Variants in NXPE4 observed in about 807,000 individuals in gnomAD.
NXPE4 encodes neurexophilin and PC-esterase domain family member 4.
In NXPE4, 42 loss-of-function variants were observed where a neutral mutation model predicts 33.3. The ratio of observed to expected loss-of-function variants is 1.26; its 90% CI spans 0.98 to 1.63. The LOEUF is 1.63. NXPE4 is among the 40% of genes most tolerant of loss of function. The pLI is 0.00. For missense variants in NXPE4, 709 were observed against 647.6 expected, an observed-to-expected ratio of 1.09 and a Z score of -1.03; for synonymous variants, 253 against 234.9, an observed-to-expected ratio of 1.08 and a Z score of -0.71.
chr11:114,634,537 C>T, the NXPE4 span, among the ~76,000 whole-genome samples: 3 of 151,982 alleles, frequency 2.0e-5, no homozygotes, highest in Non-Finnish European at 4.4e-5. Flanking sequence ...AAGTCCTTGC[C>T]CATGCCTATG....
At chr11:114,646,178 C>G in the NXPE4 span, among the ~76,000 whole-genome samples, 2 of 151,942 alleles carry the variant, frequency 1.3e-5, no homozygotes, top group Non-Finnish European at 2.9e-5. Flanking sequence ...ATATCTTAAA[C>G]TAACTATGTC....
At chr11:114,637,357 C>T in the NXPE4 span, among the ~76,000 whole-genome samples, 4 of 151,986 alleles carry the variant, frequency 2.6e-5, no homozygotes, top group African/African-American at 9.6e-5. Flanking sequence ...CCATGTGTGT[C>T]TCTGCCTGTG....
the NXPE4 span, among the ~76,000 whole-genome samples, chr11:114,638,877 G>A: frequency 6.6e-6 from 1 of 151,520 alleles, no homozygotes; most frequent in Non-Finnish European, 1.5e-5. Flanking sequence ...TGCCCCTACT[G>A]GGGGGTGCCT....
chr11:114,634,155 C>G, the NXPE4 span, among the ~76,000 whole-genome samples: 2 of 151,632 alleles, frequency 1.3e-5, no homozygotes, highest in African/African-American at 4.8e-5. Context: ...GATTGCCATT[C>G]TAACTGGTGT....
chr11:114,580,276 G>GC lies in NXPE4; in HGVS notation c.954dup (p.His319AlafsTer13). On this transcript the variant is annotated frameshift_variant, in exon 5 of 6. Coordinates refer to ENST00000375478, the MANE Select transcript of NXPE4 (RefSeq NM_001077639.2). LOFTEE classifies it high-confidence loss of function. Reference sequence around the variant, plus strand: ...GGATTCCATGTGTTTCTCCAGACATGCCCACTGGGGATTGTGGATGTCATT... The same window carrying GC: ...GGATTCCATGTGTTTCTCCAGACATGCCCCACTGGGGATTGTGGATGTCATT... 6.2e-7 allele frequency: 1 copy of GC among 1,613,934 alleles called. No individual in the cohort carries two copies. Among genetic ancestry groups the GC allele is most frequent in the Non-Finnish European group, 8.5e-7 (1 of 1,179,868 alleles).
At chr11:114,638,750 G>A in the NXPE4 span, among the ~76,000 whole-genome samples, 4 of 152,002 alleles carry the variant, frequency 2.6e-5, no homozygotes, top group Admixed American at 2.6e-4. Flanking sequence ...GTTTGCCTGG[G>A]TAACAGCAGC....
At chr11:114,615,838 A>C in the NXPE4 span, among the ~76,000 whole-genome samples, 20 of 151,716 alleles carry the variant, frequency 1.3e-4, 1 homozygote, top group Admixed American at 1.1e-3. Flanking sequence ...TACCCTGTGG[A>C]TAATAAGAGA....
upstream of NXPE4, among the ~76,000 whole-genome samples, chr11:114,599,262 A>G (rs1949612033): frequency 6.6e-6 from 1 of 152,116 alleles, no homozygotes; most frequent in South Asian, 2.1e-4. Flanking sequence ...CTTTACTCCG[A>G]TTCCCAGTAA....
chr11:114,634,643 A>C, the NXPE4 span, among the ~76,000 whole-genome samples: 1 of 152,048 alleles, frequency 6.6e-6, no homozygotes. Context: ...TTTTTGTATA[A>C]GGTGTAAGGA....
At chr11:114,590,479 T>A (rs1949425020) in intron 2 of NXPE4, among the ~76,000 whole-genome samples, 1 of 152,152 alleles carries the variant, frequency 6.6e-6, no homozygotes, top group African/African-American at 2.4e-5. Flanking sequence ...AGATAGATCA[T>A]CCTCTATATC....
At chr11:114,625,736 G>C in the NXPE4 span, among the ~76,000 whole-genome samples, 1 of 152,156 alleles carries the variant, frequency 6.6e-6, no homozygotes, top group Non-Finnish European at 1.5e-5. Flanking sequence ...CAGAAGGCAG[G>C]TGATTTCTGC....
the NXPE4 span, among the ~76,000 whole-genome samples, chr11:114,677,919 G>A: frequency 2.0e-5 from 3 of 152,058 alleles, no homozygotes; most frequent in Non-Finnish European, 4.4e-5. Context: ...AGTGTCATGA[G>A]ACCTACATCC....
At chr11:114,667,845 C>T in the NXPE4 span, among the ~76,000 whole-genome samples, 2 of 152,088 alleles carry the variant, frequency 1.3e-5, no homozygotes, top group Non-Finnish European at 2.9e-5. Flanking sequence ...GATCTTGAGG[C>T]AGAACCACCC....
the NXPE4 span, among the ~76,000 whole-genome samples, chr11:114,662,229 GGAGA>G: frequency 0.32 from 48,887 of 151,464 alleles, 8,141 homozygotes; most frequent in East Asian, 0.41. Flanking sequence ...TGTGCACTGG[GGAGA>G]GAGAGAGAGT....
At chr11:114,640,160 ATATATATAAATAATTTATATAT>A in the NXPE4 span, among the ~76,000 whole-genome samples, 1 of 63,910 alleles carries the variant, frequency 1.6e-5, no homozygotes, top group Non-Finnish European at 2.8e-5. Context: ...TATATTAATA[ATATATATAAATAATTTATATAT>A]TATATATAAT....
chr11:114,625,287 G>A, the NXPE4 span, among the ~76,000 whole-genome samples: 9 of 152,264 alleles, frequency 5.9e-5, no homozygotes, highest in South Asian at 6.2e-4. Context: ...TGCCTCATGC[G>A]TAACCACAGT....
chr11:114,639,596 A>T, the NXPE4 span, among the ~76,000 whole-genome samples: 34 of 149,864 alleles, frequency 2.3e-4, no homozygotes, highest in African/African-American at 6.6e-4. Context: ...AGCTGTTCCT[A>T]TTCGGCCATC....
chr11:114,602,078 T>C, the NXPE4 span, among the ~76,000 whole-genome samples: 1 of 97,288 alleles, frequency 1.0e-5, no homozygotes, highest in Non-Finnish European at 1.8e-5. Flanking sequence ...ATATATTCTA[T>C]ATTTTATTAT....
At chr11:114,677,875 G>A in the NXPE4 span, among the ~76,000 whole-genome samples, 1 of 152,038 alleles carries the variant, frequency 6.6e-6, no homozygotes, top group African/African-American at 2.4e-5. Context: ...GGGCCACCTG[G>A]CAGGTAGTTG....
Sources: allele counts gnomAD v4.1 joint callset (sites outside exome capture counted in the v4.1 genomes callset), GRCh38; gene constraint gnomAD v4.1.1; transcripts MANE v1.5; gene names NCBI Gene and HGNC (gene_info 2026-07-23, HGNC 2026-07-21).